Variants in RANBP2 observed in about 807,000 individuals in gnomAD.
RANBP2 encodes the protein RAN binding protein 2, also known as E3 SUMO-protein ligase RanBP2.
A neutral mutation model predicts 303.6 loss-of-function variants in RANBP2; 57 were observed. The observed-to-expected ratio is 0.19, with a 90% CI of 0.15 to 0.23. RANBP2 has a LOEUF of 0.23. Ranked by LOEUF, RANBP2 falls within the 10% of genes least tolerant of loss-of-function variation. The pLI is 1.00. For synonymous variants in RANBP2, 1,167 were observed against 1,301.5 expected (o/e 0.90, Z 2.23); for missense variants, 3,138 against 3,780.8 (o/e 0.83, Z 4.46).
chr2:109,528,350 TAAACATGAGTGCCAAG>T, the RANBP2 span, among the ~76,000 whole-genome samples: 1 of 152,176 alleles, frequency 6.6e-6, no homozygotes, highest in Admixed American at 6.5e-5. Context: ...TTGCCCGCAA[TAAACATGAGTGCCAAG>T]TCTAAAGGTT....
At chr2:108,982,131 G>T in the RANBP2 span, among the ~76,000 whole-genome samples, 1 of 152,208 alleles carries the variant, frequency 6.6e-6, no homozygotes, top group East Asian at 1.9e-4. Context: ...GAGAATAGGG[G>T]CCAGGTCTTT....
At chr2:108,790,839 A>G in the RANBP2 span, among the ~76,000 whole-genome samples, 9 of 152,054 alleles carry the variant, frequency 5.9e-5, no homozygotes, top group African/African-American at 1.2e-4. Flanking sequence ...GTAGCCTCCA[A>G]CTCCTGGGCT....
chr2:109,224,279 C>T, the RANBP2 span, among the ~76,000 whole-genome samples: 1 of 152,144 alleles, frequency 6.6e-6, no homozygotes, highest in East Asian at 1.9e-4. Context: ...TAAAATAAGA[C>T]TTGTTTGGTA....
chr2:108,873,245 A>C, the RANBP2 span, among the ~76,000 whole-genome samples: 1 of 152,196 alleles, frequency 6.6e-6, no homozygotes, highest in Non-Finnish European at 1.5e-5. Context: ...TAGGGTAAAT[A>C]ATCTTTTGTT....
At chr2:109,082,025 A>C in the RANBP2 span, among the ~76,000 whole-genome samples, 2 of 152,202 alleles carry the variant, frequency 1.3e-5, no homozygotes, top group African/African-American at 4.8e-5. Flanking sequence ...AGCATCTGTC[A>C]ACCCAAATGC....
chr2:109,160,852 C>T, the RANBP2 span, among the ~76,000 whole-genome samples: 2 of 152,096 alleles, frequency 1.3e-5, no homozygotes, highest in Admixed American at 1.3e-4. Flanking sequence ...ATGGACAGGG[C>T]CAGGAGAGGC....
the RANBP2 span, among the ~76,000 whole-genome samples, chr2:109,526,787 G>A: frequency 6.6e-6 from 1 of 152,124 alleles, no homozygotes; most frequent in African/African-American, 2.4e-5. Context: ...ACCCTTGCCT[G>A]GGACCACCTC....
At chr2:109,441,223 A>G in the RANBP2 span, among the ~76,000 whole-genome samples, 1 of 152,174 alleles carries the variant, frequency 6.6e-6, no homozygotes, top group African/African-American at 2.4e-5. Context: ...AGGAGCAGGA[A>G]AATATGACTT....
At chr2:108,902,738 T>C in the RANBP2 span, among the ~76,000 whole-genome samples, 1 of 152,206 alleles carries the variant, frequency 6.6e-6, no homozygotes, top group Admixed American at 6.5e-5. Context: ...TAAAAATTAT[T>C]GTAATCCACT....
the RANBP2 span, among the ~76,000 whole-genome samples, chr2:108,890,400 T>G: frequency 6.6e-6 from 1 of 152,002 alleles, no homozygotes; most frequent in Non-Finnish European, 1.5e-5. Context: ...ACAAGCCCCA[T>G]GCCTGGCTAA....
At chr2:109,113,798 A>T in the RANBP2 span, among the ~76,000 whole-genome samples, 2 of 152,144 alleles carry the variant, frequency 1.3e-5, no homozygotes, top group South Asian at 4.1e-4. Flanking sequence ...TATTCTTTTG[A>T]GATATGTCCC....
At chr2:109,697,593 T>A in the RANBP2 span, among the ~76,000 whole-genome samples, 1 of 152,208 alleles carries the variant, frequency 6.6e-6, no homozygotes, top group Non-Finnish European at 1.5e-5. Flanking sequence ...TTGTATCCTG[T>A]CATTTTGCAA....
the RANBP2 span, among the ~76,000 whole-genome samples, chr2:108,926,067 C>G: frequency 6.6e-6 from 1 of 152,218 alleles, no homozygotes; most frequent in Non-Finnish European, 1.5e-5. Flanking sequence ...GTTAGGTTCT[C>G]TCTGTAGGAC....
chr2:109,185,347 G>A, the RANBP2 span, among the ~76,000 whole-genome samples: 1 of 152,194 alleles, frequency 6.6e-6, no homozygotes, highest in Non-Finnish European at 1.5e-5. Context: ...TAAAAGATTG[G>A]ATTGTTAGAG....
At chr2:109,398,393 G>A in the RANBP2 span, among the ~76,000 whole-genome samples, 1 of 152,142 alleles carries the variant, frequency 6.6e-6, no homozygotes, top group Non-Finnish European at 1.5e-5. Flanking sequence ...GGCTCCTGGG[G>A]TTTTTGAGCT....
At chr2:109,369,903 G>T in the RANBP2 span, among the ~76,000 whole-genome samples, 19,734 of 152,206 alleles carry the variant, frequency 0.13, 1,430 homozygotes, top group Middle Eastern at 0.24. Flanking sequence ...TTGCTGCTTT[G>T]TGTTACAGCA....
chr2:109,351,020 T>G, the RANBP2 span, among the ~76,000 whole-genome samples: 1 of 152,244 alleles, frequency 6.6e-6, no homozygotes, highest in Admixed American at 6.5e-5. Flanking sequence ...GTGGCATTAA[T>G]TAAAGTCCTT....
At chr2:109,340,990 T>G in the RANBP2 span, among the ~76,000 whole-genome samples, 2 of 152,226 alleles carry the variant, frequency 1.3e-5, no homozygotes, top group African/African-American at 4.8e-5. Context: ...GTAGACAATT[T>G]ATGTCTTCAC....
At chr2:109,345,393 G>C in the RANBP2 span, among the ~76,000 whole-genome samples, 2 of 152,012 alleles carry the variant, frequency 1.3e-5, no homozygotes, top group African/African-American at 4.8e-5. Flanking sequence ...CAGCGTGTAG[G>C]CAGGTGCAAA....
Sources: allele counts gnomAD v4.1 joint callset (sites outside exome capture counted in the v4.1 genomes callset), GRCh38; gene constraint gnomAD v4.1.1; transcripts MANE v1.5; gene names NCBI Gene and HGNC (gene_info 2026-07-23, HGNC 2026-07-21).